ATG9B: variants seen among roughly 807,000 people sequenced by gnomAD.
The protein encoded by ATG9B is autophagy related 9B.
Under a neutral mutation model 92.9 loss-of-function variants are expected in ATG9B, and 92 were observed. The observed-to-expected ratio is 0.99, with a 90% CI of 0.84 to 1.18. The LOEUF is 1.18. ATG9B is among the 50% of genes most tolerant of loss of function. The probability of loss-of-function intolerance (pLI) is 0.00; values close to 1 mark genes in which losing one functional copy is unlikely to be tolerated. For missense variants in ATG9B, 1,344 were observed against 1,235.0 expected, an observed-to-expected ratio of 1.09 and a Z score of -1.32; for synonymous variants, 599 against 551.4, an observed-to-expected ratio of 1.09 and a Z score of -1.21.
Position 151,024,055 on chromosome 7 carries a change from G to A in ATG9B, c.369C>T (p.Ala123=). ...SWGSHSTPPL[A]PATPTPSQQC... is the part of the protein sequence containing the mutation. Reference sequence around the variant, plus strand: ...GCTGTGAGGGAGTGGGGGTTGCCGGGGCCAGGGGTGGGGTGGAGTGGGATC... The same window carrying A: ...GCTGTGAGGGAGTGGGGGTTGCCGGAGCCAGGGGTGGGGTGGAGTGGGATC... The change falls in exon 1 of 14, where the codon GCC becomes GCT. Residue 123 remains alanine, a synonymous_variant. Coordinates refer to ENST00000639579, the MANE Select transcript of ATG9B (RefSeq NM_001317056.2). 6.3e-7 allele frequency: 1 copy of A among 1,590,740 alleles called. No individual in the cohort carries two copies. The highest frequency in any genetic ancestry group is 8.6e-7 in the Non-Finnish European group (1 of 1,168,840).
chr7:151,016,253 G>T lies in ATG9B; in HGVS notation c.2521-18C>A. 2 of 1,485,898 alleles carry T rather than the reference G, an allele frequency of 1.3e-6. No individual in the cohort carries two copies. The highest frequency in any genetic ancestry group is 1.8e-6 in the Non-Finnish European group (2 of 1,115,336). 92.0% of individuals were successfully genotyped at this position (1,485,898 alleles called of 1,614,324 possible). On this transcript the variant is annotated intron_variant, in intron 11 of 13. Coordinates refer to ENST00000639579, the MANE Select transcript of ATG9B (RefSeq NM_001317056.2). Reference sequence around the variant, plus strand: ...TGGTGAAGCTGCATGGAAAGGAGGAGGAATGAGGGCTGCACCCCAAGGAGG... The same window carrying T: ...TGGTGAAGCTGCATGGAAAGGAGGATGAATGAGGGCTGCACCCCAAGGAGG...
At position 151,017,170 on chromosome 7, in the gene ATG9B, G is replaced by A. The variant is rs540468620; in HGVS notation, c.2155C>T (p.Arg719Cys). ...AACTTAGAGCTGTGCCCTGGGGGGC[G>A]CCAGAGTGGATGCGCCAGGGAGAAC... ...MRFSLAHPLW[R>C]PPGHSSKFLG... is the part of the protein sequence containing the mutation. The change falls in exon 9 of 14, where the codon CGC (arginine) becomes TGC (cysteine). Residue 719 changes from arginine to cysteine, a missense_variant. Physicochemically the swap from Arg to Cys is radical, Grantham distance 180. Coordinates refer to ENST00000639579, the MANE Select transcript of ATG9B (RefSeq NM_001317056.2). The A allele has an allele frequency of 1.4e-5, 22 of 1,613,112 alleles. No homozygotes were observed. The highest frequency in any genetic ancestry group is 1.7e-4 in the Middle Eastern group (1 of 6,054).
At chr7:151,012,984 C>T (rs1795339467), downstream of ATG9B, 5 of 526,224 alleles carry the variant, frequency 9.5e-6, no homozygotes, top group Middle Eastern at 4.9e-4. Flanking sequence ...AGTCCGAAGC[C>T]GCGCATTCTA....
In ATG9B at chr7:151,018,135, G is replaced by A. The variant is rs972989745; in HGVS notation, c.1873-85C>T. ...GACCAAGCAGTCCCCAGCGACCCTC[G>A]CCAGGGCAAGAAGCCTCCCCACCCA... On this transcript the variant is annotated intron_variant, in intron 7 of 13. Transcript: ENST00000639579. The surrounding 1 kb of genome is among the most constrained non-coding windows in gnomAD (Gnocchi z 4.7). 3 of 1,473,818 alleles carry A rather than the reference G, an allele frequency of 2.0e-6. No individual in the cohort carries two copies. The highest frequency in any genetic ancestry group is 4.8e-5 in the Admixed American group (2 of 42,062). 91.3% of individuals were successfully genotyped at this position (1,473,818 alleles called of 1,614,324 possible).
intron 11 of ATG9B, 69 bp downstream of exon 11, chr7:151,016,362 C>T (rs1290065871): frequency 3.3e-6 from 5 of 1,521,600 alleles, no homozygotes; most frequent in South Asian, 1.2e-5. Context: ...AGACTCCACC[C>T]CACCTCAGTC....
At chr7:151,012,386 T>G, downstream of ATG9B, 3 of 1,592,546 alleles carry the variant, frequency 1.9e-6, no homozygotes, top group Non-Finnish European at 2.6e-6. Flanking sequence ...GATCCCAGCT[T>G]GCCCTGCATC....
downstream of ATG9B, chr7:151,013,704 C>A: frequency 6.4e-7 from 1 of 1,568,552 alleles, no homozygotes; most frequent in South Asian, 1.2e-5. Flanking sequence ...AGGGCCCGCC[C>A]TAACCCCGCC....
chr7:151,019,436 TC>T (rs1489847727), intron 5 of ATG9B, 62 bp from the exon 6 acceptor site: 51 of 1,480,766 alleles, frequency 3.4e-5, no homozygotes, highest in Non-Finnish European at 4.5e-5. Flanking sequence ...ATGCTCAAGC[TC>T]CACACCCCTA....
rs562927115 is a variant in ATG9B, at chr7:151,017,862, G to A, written c.2052+9C>T. On this transcript the variant is annotated intron_variant, in intron 8 of 13. Transcript: ENST00000639579. ...GCCCAAACCCCCAGGGCCAGGGAAC[G>A]GCTCTGACCTGAGGGTGTCCGTGGC... The A allele has an allele frequency of 1.3e-6, 2 of 1,590,776 alleles. No homozygotes were observed. Among genetic ancestry groups the A allele is most frequent in the African/African-American group, 1.3e-5 (1 of 74,304 alleles).
At chr7:151,022,773 T>C (rs1395500851) in intron 4 of ATG9B, among the ~76,000 whole-genome samples, 1 of 151,240 alleles carries the variant, frequency 6.6e-6, no homozygotes, top group Non-Finnish European at 1.5e-5. Flanking sequence ...GAGGTGGAGG[T>C]TGCAGTGAGC....
At chr7:151,014,219 A>C (rs1307923997), downstream of ATG9B, 1 of 1,538,190 alleles carries the variant, frequency 6.5e-7, no homozygotes, top group African/African-American at 1.4e-5. Context: ...TGCCCGACTC[A>C]GGTCCGCCCG....
rs563475732 is a variant in ATG9B at position 151,023,260 on chromosome 7, GTGGGC to G, written c.660-59_660-55del. On this transcript the variant is annotated intron_variant, in intron 3 of 13. Transcript: ENST00000639579. ...TGCTGCAGTGATCAGGGACAGCCAG[GTGGGC>G]TCCTGCCCCAGCCCCCAGAGCAGCC... The G allele has an allele frequency of 8.3e-5, 134 of 1,611,994 alleles. No homozygotes were observed. The East Asian group carries it at 2.7e-3, about 33-fold the overall frequency.
chr7:151,016,521 C>T lies in ATG9B; in HGVS notation c.2430G>A (p.Val810=). ...TCTGGCCCCCAGTGCCTCCTGGGGA[C>T]ACAGAGCTGGAACATAACATGAAGC... is the stretch of plus-strand genomic sequence containing the variant. The part of the protein sequence containing the change: ...ISRIAQDPSS[V]SPGGTGGQKL... The change falls in exon 11 of 14, where the codon GTG becomes GTA. Residue 810 remains valine (V), a synonymous_variant. Coordinates refer to ENST00000639579, the MANE Select transcript of ATG9B (RefSeq NM_001317056.2). The T allele has an allele frequency of 6.4e-7, 1 of 1,550,814 alleles. No homozygotes were observed. Among genetic ancestry groups the T allele is most frequent in the Non-Finnish European group, 8.7e-7 (1 of 1,146,906 alleles).
At chr7:151,016,569 C>A in intron 10 of ATG9B, 42 bp from the exon 11 acceptor site, 2 of 1,543,832 alleles carry the variant, frequency 1.3e-6, no homozygotes, top group Non-Finnish European at 1.7e-6. Flanking sequence ...ATGCCCTCCT[C>A]CCGCCACACC....
chr7:151,014,059 G>A, downstream of ATG9B: 1 of 1,613,806 alleles, frequency 6.2e-7, no homozygotes, highest in Non-Finnish European at 8.5e-7. Flanking sequence ...GCGCACCCAG[G>A]AGGTGACAAG....
In ATG9B at chr7:151,016,165, G is replaced by C. The variant is rs1327570630; in HGVS notation, c.2591C>G (p.Ser864Cys). 1 of 1,539,824 alleles carries C rather than the reference G, an allele frequency of 6.5e-7. No homozygotes were observed. Among genetic ancestry groups the C allele is most frequent in the Admixed American group, 2.0e-5 (1 of 50,170 alleles). ...AAASILSRPC[S>C]SPSQPPSPDE... ...AGGCGAGGGTGGCTGTGAGGGGCTG[G>C]AGCAGGGCCTGGACAGGATGGAGGC... The change falls in exon 12 of 14, where the codon TCC becomes TGC. Residue 864 changes from serine (S) to cysteine (C), a missense_variant. By Grantham distance (112) the Ser-to-Cys change is moderately radical. Transcript: ENST00000639579.
In ATG9B at chr7:151,017,756, G is replaced by A. The variant is rs1563249893; in HGVS notation, c.2052+115C>T. 20 of 1,293,304 alleles carry A rather than the reference G, an allele frequency of 1.5e-5. No individual in the cohort carries two copies. In the East Asian group the frequency reaches 3.6e-4, roughly 23 times the overall value. 80.1% of individuals were successfully genotyped at this position (1,293,304 alleles called of 1,614,324 possible). A position where few individuals can be genotyped will look rare whatever the true frequency, so the allele number is the denominator to read the frequency against. On this transcript the variant is annotated intron_variant, in intron 8 of 13. Coordinates refer to ENST00000639579, the MANE Select transcript of ATG9B (RefSeq NM_001317056.2). ...GAGAGCACAGGAAGGGAAGTGACCC[G>A]CTCAACGGCACAGGTAGCAAGCAAT...
At chr7:151,019,465 C>T (rs1795668955) in intron 5 of ATG9B, 91 bp from the exon 6 acceptor site, 4 of 1,445,718 alleles carry the variant, frequency 2.8e-6, no homozygotes, top group Non-Finnish European at 2.7e-6. Context: ...GGCCTGAAAA[C>T]CCGCAAACTG....
chr7:151,013,125 A>G, downstream of ATG9B: 1 of 1,251,420 alleles, frequency 8.0e-7, no homozygotes, highest in Non-Finnish European at 1.1e-6. Flanking sequence ...TGGTGGTTTC[A>G]GCCCAAAACG....
Sources: allele counts gnomAD v4.1 joint callset (sites outside exome capture counted in the v4.1 genomes callset), GRCh38; gene constraint gnomAD v4.1.1; non-coding constraint Gnocchi (gnomAD v3.1); transcripts MANE v1.5; gene names NCBI Gene and HGNC (gene_info 2026-07-23, HGNC 2026-07-21).